EYS: variants seen among roughly 807,000 people sequenced by gnomAD.
EYS encodes the protein protein eyes shut homolog.
In EYS, 250 loss-of-function variants were observed where a neutral mutation model predicts 282.1. The observed-to-expected ratio is 0.89, with a 90% CI of 0.80 to 0.98. The LOEUF is 0.98. EYS is among the 50% of genes least tolerant of loss of function. The pLI, the probability that EYS is intolerant of heterozygous loss-of-function variation, is 0.00. For missense variants in EYS, 4,016 were observed against 3,709.0 expected, an observed-to-expected ratio of 1.08 and a Z score of -2.15; for synonymous variants, 1,355 against 1,282.9, an observed-to-expected ratio of 1.06 and a Z score of -1.20.
chr6:63,951,902 G>A (rs1210362086), intron 35 of EYS, among the ~76,000 whole-genome samples: 1 of 152,102 alleles, frequency 6.6e-6, no homozygotes, highest in Non-Finnish European at 1.5e-5. Context: ...GACTCTGAAA[G>A]GTCAGAAGGC....
chr6:64,427,656 A>G (rs1237836410), intron 28 of EYS, among the ~76,000 whole-genome samples: 1 of 152,142 alleles, frequency 6.6e-6, no homozygotes, highest in Non-Finnish European at 1.5e-5. Context: ...GATAATATAC[A>G]ACTGAAGGAA....
intron 12 of EYS, among the ~76,000 whole-genome samples, chr6:65,249,664 C>G (rs1193248467): frequency 6.6e-6 from 1 of 151,538 alleles, no homozygotes. Flanking sequence ...TGGAAATTTA[C>G]AAAGCAAGCA....
intron 7 of EYS, among the ~76,000 whole-genome samples, chr6:65,398,715 C>T (rs75733622): frequency 0.01 from 1,575 of 152,082 alleles, 36 homozygotes; most frequent in African/African-American, 0.036. Context: ...ATATTTAGCC[C>T]GATAGCTTCT....
chr6:65,003,386 A>G lies in EYS; in HGVS notation c.2138-5683T>C, dbSNP rs537927720. Among the ~76,000 whole-genome samples the G allele has an allele frequency of 2.4e-3, 356 of 147,486 alleles. 10 individuals carry two copies. Among genetic ancestry groups the G allele is most frequent in the African/African-American group, 8.3e-3 (343 of 41,284 alleles). On this transcript the variant is annotated intron_variant, in intron 13 of 42. Coordinates refer to ENST00000503581, the MANE Select transcript of EYS (RefSeq NM_001142800.2). ...ATTTTGGTCAGACCGGTTGCTCTCA[A>G]AACCCTGTCTCCTGATAAGATGTTA...
chr6:64,109,414 G>A (rs147017473), intron 31 of EYS, among the ~76,000 whole-genome samples: 2 of 151,760 alleles, frequency 1.3e-5, no homozygotes, highest in African/African-American at 4.8e-5. Flanking sequence ...CTGTGGAAAG[G>A]CATTTTAAAT....
At chr6:65,628,004 C>T (rs1766777304) in intron 2 of EYS, among the ~76,000 whole-genome samples, 1 of 152,242 alleles carries the variant, frequency 6.6e-6, no homozygotes, top group African/African-American at 2.4e-5. Flanking sequence ...CAGCTGGGCT[C>T]CTGAGTCTGG....
At chr6:65,647,537 A>G (rs1373780499) in intron 1 of EYS, among the ~76,000 whole-genome samples, 1 of 152,206 alleles carries the variant, frequency 6.6e-6, no homozygotes, top group Admixed American at 6.5e-5. Flanking sequence ...AAAGTCTTAA[A>G]TGTAAGACCT....
At chr6:65,449,156 T>C (rs969684818) in intron 5 of EYS, among the ~76,000 whole-genome samples, 2 of 152,094 alleles carry the variant, frequency 1.3e-5, no homozygotes, top group Non-Finnish European at 2.9e-5. Flanking sequence ...CTTCTGAGGC[T>C]TCTGTTGTTT....
intron 12 of EYS, among the ~76,000 whole-genome samples, chr6:65,188,750 T>G: frequency 7.2e-6 from 1 of 138,164 alleles, no homozygotes; most frequent in Non-Finnish European, 1.5e-5. Flanking sequence ...GAAAACTTGA[T>G]CCTTTATTGC....
intron 12 of EYS, among the ~76,000 whole-genome samples, chr6:65,140,160 A>G (rs1021308677): frequency 2.0e-5 from 3 of 152,122 alleles, no homozygotes; most frequent in African/African-American, 7.2e-5. Flanking sequence ...ATAAAAAATT[A>G]GAAAGTCTCA....
intron 34 of EYS, among the ~76,000 whole-genome samples, chr6:63,991,417 T>C (rs1235710568): frequency 6.6e-6 from 1 of 151,542 alleles, no homozygotes; most frequent in Admixed American, 6.6e-5. Context: ...ATGAATTACC[T>C]GACAAAAAAT....
intron 19 of EYS, among the ~76,000 whole-genome samples, chr6:64,838,355 A>T (rs1450140159): frequency 1.3e-5 from 2 of 151,820 alleles, no homozygotes; most frequent in African/African-American, 2.4e-5. Context: ...TTTTTACATT[A>T]ATTCTTTGTG....
chr6:64,630,703 C>G (rs912242818), intron 22 of EYS, among the ~76,000 whole-genome samples: 1 of 152,072 alleles, frequency 6.6e-6, no homozygotes, highest in African/African-American at 2.4e-5. Flanking sequence ...GCAAAGGGCC[C>G]ATGATTTCAA....
intron 15 of EYS, among the ~76,000 whole-genome samples, chr6:64,941,752 C>T (rs968040338): frequency 2.6e-5 from 4 of 152,098 alleles, no homozygotes; most frequent in Admixed American, 2.0e-4. Flanking sequence ...AGAATAATGG[C>T]CTCAAGCTAC....
At chr6:63,724,628 CAG>C (rs1457832394) in intron 42 of EYS, among the ~76,000 whole-genome samples, 1 of 151,444 alleles carries the variant, frequency 6.6e-6, no homozygotes, top group African/African-American at 2.4e-5. Context: ...GAAAAGGGAC[CAG>C]AGTCTTATTT....
At chr6:64,239,112 A>G (rs1232112888) in intron 30 of EYS, among the ~76,000 whole-genome samples, 1 of 152,024 alleles carries the variant, frequency 6.6e-6, no homozygotes, top group Non-Finnish European at 1.5e-5. Context: ...ATTGTATTCC[A>G]TTTTTGTACA....
intron 29 of EYS, among the ~76,000 whole-genome samples, chr6:64,334,764 A>C (rs1441394211): frequency 6.6e-6 from 1 of 152,192 alleles, no homozygotes; most frequent in African/African-American, 2.4e-5. Context: ...ATTGCTGCTT[A>C]CAAATTGATG....
chr6:64,266,970 T>G (rs961966794), intron 30 of EYS, among the ~76,000 whole-genome samples: 1 of 152,208 alleles, frequency 6.6e-6, no homozygotes, highest in Non-Finnish European at 1.5e-5. Context: ...GGGCTATGTA[T>G]TCTATTTAAA....
chr6:64,667,878 T>G (rs914287658), intron 22 of EYS, among the ~76,000 whole-genome samples: 1 of 152,180 alleles, frequency 6.6e-6, no homozygotes, highest in Non-Finnish European at 1.5e-5. Context: ...CTAAAGACTT[T>G]GAGCCAGTAT....
Sources: allele counts gnomAD v4.1 joint callset (sites outside exome capture counted in the v4.1 genomes callset), GRCh38; gene constraint gnomAD v4.1.1; transcripts MANE v1.5; gene names NCBI Gene and HGNC (gene_info 2026-07-23, HGNC 2026-07-21).